The following SLC43A2 variants were observed in gnomAD, a reference collection of about 807,000 sequenced individuals.
SLC43A2 encodes the protein large neutral amino acids transporter small subunit 4.
In SLC43A2, 38 loss-of-function variants were observed where a neutral mutation model predicts 63.2. The ratio of observed to expected loss-of-function variants is 0.60; its 90% CI spans 0.46 to 0.79. The LOEUF is 0.79. Among genes scored for constraint, SLC43A2 ranks in the 30% least tolerant of loss-of-function variants. SLC43A2 has a pLI of 0.00. For missense variants in SLC43A2, 644 were observed against 756.2 expected (o/e 0.85, Z 1.74); for synonymous variants, 322 against 331.0 (o/e 0.97, Z 0.30).
At chr17:1,586,935 C>CCCCCCCCCCCCCCCCCT in intron 9 of SLC43A2, 1 of 1,509,136 alleles carries the variant, frequency 6.6e-7, no homozygotes, top group Non-Finnish European at 8.9e-7. Flanking sequence ...CAATCCCCCC[C>CCCCCCCCCCCCCCCCCT]ACCCCCCGCT....
chr17:1,575,912 A>T, intron 13 of SLC43A2, 147 bp from the exon 14 acceptor site: 1 of 948,344 alleles, frequency 1.1e-6, no homozygotes, highest in Non-Finnish European at 1.5e-6. Context: ...CCCATATGCC[A>T]GCGTCCCGGT....
In SLC43A2 at chr17:1,572,679, TGCTC is replaced by T. The variant is rs1655625181; in HGVS notation, c.*2921_*2924del. The T allele has an allele frequency of 6.6e-6, 1 of 152,452 alleles. No homozygotes were observed. Among genetic ancestry groups the T allele is most frequent in the South Asian group, 2.1e-4 (1 of 4,844 alleles). The allele number at this position is 152,452 out of a possible 1,614,324, so 9.4% of individuals were successfully genotyped here. A position where few individuals can be genotyped will look rare whatever the true frequency, so the allele number is the denominator to read the frequency against. On this transcript the variant is annotated 3_prime_UTR_variant, in exon 14 of 14. Transcript: ENST00000301335. ...CTGGCCAGCCACAGCCTCTGTACCC[TGCTC>T]GCATTTTCAGGCCTCAATCCCCAAG...
At chr17:1,627,179 AG>A (rs1443446931) in intron 2 of SLC43A2, among the ~76,000 whole-genome samples, 1 of 152,224 alleles carries the variant, frequency 6.6e-6, no homozygotes, top group Non-Finnish European at 1.5e-5. Flanking sequence ...GAGAATCATA[AG>A]GCAGCAAAAA....
intron 5 of SLC43A2, chr17:1,604,336 G>C (rs776073191): frequency 6.2e-6 from 1 of 160,020 alleles, no homozygotes; most frequent in Admixed American, 6.4e-5. Context: ...TGACAGGCGT[G>C]AGCCACCGCG....
intron 5 of SLC43A2, among the ~76,000 whole-genome samples, chr17:1,595,398 A>AG (rs1905209788): frequency 6.6e-6 from 1 of 150,882 alleles, no homozygotes; most frequent in Non-Finnish European, 1.5e-5. Flanking sequence ...TTCCCCCCCC[A>AG]GCTCCCAAGT....
chr17:1,584,247 C>T (rs1263455135), intron 10 of SLC43A2, among the ~76,000 whole-genome samples: 3 of 152,152 alleles, frequency 2.0e-5, no homozygotes, highest in African/African-American at 7.2e-5. Context: ...CCCAGTCTCA[C>T]ACCCACGCAG....
intron 3 of SLC43A2, 32 bp from the exon 4 acceptor site, chr17:1,615,066 C>T (rs1222467804): frequency 1.9e-6 from 3 of 1,612,834 alleles, no homozygotes; most frequent in East Asian, 2.2e-5. Flanking sequence ...ATGTTATTTA[C>T]CATTATGACT....
intron 5 of SLC43A2, among the ~76,000 whole-genome samples, chr17:1,610,703 C>T (rs191495432): frequency 6.6e-6 from 1 of 150,790 alleles, no homozygotes; most frequent in East Asian, 2.0e-4. Flanking sequence ...CATAGTAAGA[C>T]CCCATCTGTA....
At chr17:1,586,950 CGT>C in intron 9 of SLC43A2, 1 of 1,529,044 alleles carries the variant, frequency 6.5e-7, no homozygotes, top group Non-Finnish European at 8.7e-7. Flanking sequence ...CCCGCTTACC[CGT>C]GGCCATCACT....
intron 2 of SLC43A2, among the ~76,000 whole-genome samples, chr17:1,617,107 T>C (rs1017714098): frequency 3.9e-5 from 6 of 152,158 alleles, no homozygotes; most frequent in Non-Finnish European, 8.8e-5. Context: ...GAGAGTCCCA[T>C]TCGAGAGCAT....
intron 5 of SLC43A2, among the ~76,000 whole-genome samples, chr17:1,610,008 C>A (rs1175039981): frequency 6.6e-6 from 1 of 152,124 alleles, no homozygotes; most frequent in African/African-American, 2.4e-5. Context: ...CACCCAGGTT[C>A]AAGCGATTCT....
intron 11 of SLC43A2, among the ~76,000 whole-genome samples, chr17:1,580,911 T>C (rs959646045): frequency 1.3e-4 from 20 of 152,216 alleles, no homozygotes; most frequent in African/African-American, 4.8e-4. Flanking sequence ...CTAATTTTTA[T>C]TTTTAGTAGA....
rs2075965515 is a variant in SLC43A2, at chr17:1,578,386, C to T, written c.1351-63G>A. The T allele has an allele frequency of 1.3e-6, 2 of 1,510,250 alleles. No individual in the cohort carries two copies. The highest frequency in any genetic ancestry group is 2.3e-5 in the South Asian group (2 of 85,962). 93.6% of individuals were successfully genotyped at this position (1,510,250 alleles called of 1,614,324 possible). Reference sequence around the variant, plus strand: ...AAGGGACCGTCCCCTCAGCCCCCGCCCTCCAATTCCTGGGGGCCCTCACCC... The same window carrying T: ...AAGGGACCGTCCCCTCAGCCCCCGCTCTCCAATTCCTGGGGGCCCTCACCC... On this transcript the variant is annotated intron_variant, in intron 11 of 13. Transcript: ENST00000301335. This position sits in a 1 kb window ranked among gnomAD's most constrained non-coding sequence, Gnocchi z 6.5.
At chr17:1,580,187 G>A (rs568570884) in intron 11 of SLC43A2, among the ~76,000 whole-genome samples, 1 of 152,202 alleles carries the variant, frequency 6.6e-6, no homozygotes, top group African/African-American at 2.4e-5. Context: ...CAAAGTGCTG[G>A]GATTACAGGC....
chr17:1,626,588 A>G (rs144167980), intron 2 of SLC43A2, among the ~76,000 whole-genome samples: 2 of 152,276 alleles, frequency 1.3e-5, no homozygotes, highest in Admixed American at 6.5e-5. Context: ...TGGGACACAC[A>G]GGAATCTCCG....
intron 5 of SLC43A2, among the ~76,000 whole-genome samples, chr17:1,597,609 G>A (rs1483440741): frequency 2.0e-5 from 3 of 151,772 alleles, no homozygotes; most frequent in Admixed American, 6.6e-5. Flanking sequence ...AGACCAGCCT[G>A]GCCAAAATGG....
In SLC43A2 at chr17:1,615,915, C is replaced by A. The variant is rs556597080; in HGVS notation, c.368+647G>T. On this transcript the variant is annotated intron_variant, in intron 3 of 13. Coordinates refer to ENST00000301335, the MANE Select transcript of SLC43A2 (RefSeq NM_152346.3). Reference sequence around the variant, plus strand: ...AAAATTAGCTGGGTGTGGTGGCAGGCGCCTGTAATCCCAGCTACTCGGGAG... The same window carrying A: ...AAAATTAGCTGGGTGTGGTGGCAGGAGCCTGTAATCCCAGCTACTCGGGAG... 2.7e-5 allele frequency among the ~76,000 whole-genome samples: 4 copies of A among 150,052 alleles called. No homozygotes were observed. In the South Asian group the frequency reaches 8.4e-4, roughly 32 times the overall value.
intron 5 of SLC43A2, among the ~76,000 whole-genome samples, chr17:1,612,221 C>G (rs1422109549): frequency 6.6e-6 from 1 of 152,182 alleles, no homozygotes; most frequent in Non-Finnish European, 1.5e-5. Context: ...GCCTCAGTCT[C>G]CCAAAGTGCT....
chr17:1,584,254 G>A (rs11868411), intron 10 of SLC43A2, among the ~76,000 whole-genome samples: 32,683 of 151,946 alleles, frequency 0.22, 3,868 homozygotes, highest in South Asian at 0.35. Flanking sequence ...TCACACCCAC[G>A]CAGACACCCT....
Sources: gnomAD v4.1 joint callset for allele counts (sites outside exome capture counted in the v4.1 genomes callset) on GRCh38, gnomAD v4.1.1 for gene constraint, Gnocchi (gnomAD v3.1) non-coding constraint, MANE v1.5 for transcripts, NCBI Gene and HGNC (gene_info 2026-07-23, HGNC 2026-07-21) for gene names.